The following SV2C variants were observed in gnomAD, a reference collection of about 807,000 sequenced individuals.
SV2C encodes synaptic vesicle glycoprotein 2C.
Under a neutral mutation model 79.7 loss-of-function variants are expected in SV2C, and 49 were observed. The ratio of observed to expected loss-of-function variants is 0.61; its 90% CI spans 0.49 to 0.78. SV2C has a LOEUF of 0.78. Ranked by LOEUF, SV2C falls within the 30% of genes least tolerant of loss-of-function variation. The pLI is 0.00. For missense variants in SV2C, 833 were observed against 912.9 expected, an observed-to-expected ratio of 0.91 and a Z score of 1.13; for synonymous variants, 334 against 333.2, an observed-to-expected ratio of 1.00 and a Z score of -0.03.
the SV2C span, among the ~76,000 whole-genome samples, chr5:75,976,414 A>G: frequency 6.6e-6 from 1 of 152,144 alleles, no homozygotes; most frequent in Non-Finnish European, 1.5e-5. Context: ...AAAAACTGGA[A>G]GTCAAACTCT....
the SV2C span, among the ~76,000 whole-genome samples, chr5:75,878,921 G>A: frequency 6.6e-6 from 1 of 152,198 alleles, no homozygotes; most frequent in Non-Finnish European, 1.5e-5. Flanking sequence ...TCTGCTTCTG[G>A]TGAGGACCTC....
the SV2C span, among the ~76,000 whole-genome samples, chr5:75,960,278 C>G: frequency 6.6e-6 from 1 of 151,906 alleles, no homozygotes; most frequent in Non-Finnish European, 1.5e-5. Flanking sequence ...GTCTGTTGCT[C>G]TGCTCTTTTA....
At chr5:76,045,468 A>T in the SV2C span, among the ~76,000 whole-genome samples, 2 of 152,146 alleles carry the variant, frequency 1.3e-5, no homozygotes, top group Non-Finnish European at 2.9e-5. Flanking sequence ...TGGTCATTTG[A>T]TGGGAATAGC....
At chr5:76,251,040 G>A (rs562671803) in intron 4 of SV2C, among the ~76,000 whole-genome samples, 1 of 152,234 alleles carries the variant, frequency 6.6e-6, no homozygotes, top group African/African-American at 2.4e-5. Flanking sequence ...ATGTGCATCA[G>A]GAGCATTTCC....
At chr5:75,943,711 A>G in the SV2C span, among the ~76,000 whole-genome samples, 1 of 152,142 alleles carries the variant, frequency 6.6e-6, no homozygotes, top group African/African-American at 2.4e-5. Context: ...AAAATGTGGA[A>G]ACAAGTGAGG....
the SV2C span, among the ~76,000 whole-genome samples, chr5:76,030,289 T>TTATTTATTTATTTATTTA: frequency 6.3e-4 from 74 of 117,914 alleles, no homozygotes; most frequent in African/African-American, 2.7e-3. Context: ...TTTTTTTTTT[T>TTATTTATTTATTTATTTA]TTTATTTATT....
intron 6 of SV2C, among the ~76,000 whole-genome samples, chr5:76,287,196 A>G (rs1747386394): frequency 6.6e-6 from 1 of 152,170 alleles, no homozygotes; most frequent in Admixed American, 6.5e-5. Context: ...TATAATGGAC[A>G]TTATTTTCAG....
chr5:76,094,141 G>A (rs909700596), intron 1 of SV2C, among the ~76,000 whole-genome samples: 36 of 152,132 alleles, frequency 2.4e-4, no homozygotes, highest in African/African-American at 8.7e-4. Context: ...AGCACTATAA[G>A]AAACTGTGAG....
the SV2C span, among the ~76,000 whole-genome samples, chr5:75,902,376 A>G: frequency 6.6e-6 from 1 of 152,238 alleles, no homozygotes; most frequent in Non-Finnish European, 1.5e-5. Context: ...GTGCCTTCAC[A>G]GAAGGTGCTG....
At chr5:75,950,785 A>G in the SV2C span, among the ~76,000 whole-genome samples, 1 of 152,004 alleles carries the variant, frequency 6.6e-6, no homozygotes, top group Non-Finnish European at 1.5e-5. Context: ...CTTGAGAGTT[A>G]TTCCAAAGAA....
chr5:76,300,904 G>A lies in SV2C; in HGVS notation c.1812G>A (p.Met604Ile). Residue 604 changes from methionine to isoleucine, a missense_variant, in exon 11 of 13, where the codon ATG becomes ATA. Transcript: ENST00000502798. ...LPGNIVSALL[M>I]DRIGRLTMLG... ...GGAACATTGTGTCTGCTCTGCTGATGGACAGAATTGGGCGCTTAACAATGC... is the reference window on the plus strand; with the variant it reads ...GGAACATTGTGTCTGCTCTGCTGATAGACAGAATTGGGCGCTTAACAATGC... 4 of 1,614,074 alleles carry A rather than the reference G, an allele frequency of 2.5e-6. No homozygotes were observed. Among genetic ancestry groups the A allele is most frequent in the Non-Finnish European group, 3.4e-6 (4 of 1,179,970 alleles).
intron 3 of SV2C, among the ~76,000 whole-genome samples, chr5:76,195,631 T>A (rs1275828176): frequency 6.6e-6 from 1 of 152,170 alleles, no homozygotes; most frequent in Non-Finnish European, 1.5e-5. Flanking sequence ...ATTACCCAAA[T>A]GCAGTGGTAG....
chr5:76,301,202 T>C (rs1747986092), intron 11 of SV2C, among the ~76,000 whole-genome samples, 184 bp from the exon 12 acceptor site: 1 of 152,240 alleles, frequency 6.6e-6, no homozygotes, highest in African/African-American at 2.4e-5. Flanking sequence ...TTTCATACTT[T>C]CTGTGTTCAG....
intron 4 of SV2C, among the ~76,000 whole-genome samples, chr5:76,250,103 G>C (rs915030415): frequency 6.6e-6 from 1 of 152,000 alleles, no homozygotes; most frequent in Non-Finnish European, 1.5e-5. Context: ...CCCAAGTTTC[G>C]AGGGTTACTG....
the SV2C span, among the ~76,000 whole-genome samples, chr5:76,063,190 T>A: frequency 6.6e-6 from 1 of 152,148 alleles, no homozygotes; most frequent in East Asian, 1.9e-4. Context: ...GGCTGATGAA[T>A]TGTTCACTCC....
At chr5:76,018,673 C>T in the SV2C span, among the ~76,000 whole-genome samples, 5 of 151,986 alleles carry the variant, frequency 3.3e-5, no homozygotes, top group Admixed American at 6.6e-5. Flanking sequence ...CCCTAAATGC[C>T]GCTATTTTAA....
intron 1 of SV2C, among the ~76,000 whole-genome samples, chr5:76,103,357 A>T (rs1359595471): frequency 6.6e-6 from 1 of 152,242 alleles, no homozygotes; most frequent in African/African-American, 2.4e-5. Flanking sequence ...AAATTTAAAC[A>T]ATAATTTATA....
chr5:76,240,343 T>A (rs1056857625), intron 4 of SV2C, among the ~76,000 whole-genome samples: 6 of 152,234 alleles, frequency 3.9e-5, no homozygotes, highest in African/African-American at 1.4e-4. Flanking sequence ...TCAGTGTAGC[T>A]GTGTAAACAG....
chr5:76,066,831 T>C, the SV2C span, among the ~76,000 whole-genome samples: 3 of 149,136 alleles, frequency 2.0e-5, no homozygotes, highest in Admixed American at 6.7e-5. Flanking sequence ...GGTAGAGAAA[T>C]TGCTCTCAGA....
Sources: allele counts gnomAD v4.1 joint callset (sites outside exome capture counted in the v4.1 genomes callset), GRCh38; gene constraint gnomAD v4.1.1; transcripts MANE v1.5; gene names NCBI Gene and HGNC (gene_info 2026-07-23, HGNC 2026-07-21).